DPY19L3: variants seen among roughly 807,000 people sequenced by gnomAD.
DPY19L3 encodes protein C-mannosyl-transferase DPY19L3.
In DPY19L3, 51 loss-of-function variants were observed where a neutral mutation model predicts 92.3. The ratio of observed to expected loss-of-function variants is 0.55; its 90% CI spans 0.44 to 0.70. DPY19L3 has a LOEUF of 0.70. DPY19L3 is among the 30% of genes least tolerant of loss of function. DPY19L3 has a pLI of 0.00. For synonymous variants in DPY19L3, 309 were observed against 315.2 expected, an observed-to-expected ratio of 0.98 and a Z score of 0.21; for missense variants, 706 against 855.9, an observed-to-expected ratio of 0.82 and a Z score of 2.18.
chr19:32,463,250 A>G, intron 12 of DPY19L3, 116 bp from the exon 13 acceptor site: 1 of 1,157,958 alleles, frequency 8.6e-7, no homozygotes, highest in East Asian at 2.6e-5. Flanking sequence ...CATCTTATGG[A>G]AATAATCAAT....
Position 32,463,432 on chromosome 19 carries a change from T to C in DPY19L3, c.1389T>C (p.Thr463=), listed in dbSNP as rs1349685815. 3 of 1,613,786 alleles carry C rather than the reference T, an allele frequency of 1.9e-6. No individual in the cohort carries two copies. The highest frequency in any genetic ancestry group is 1.1e-5 in the South Asian group (1 of 91,086). The change falls in exon 13 of 19, where the codon ACT becomes ACC. Residue 463 remains threonine (T), a synonymous_variant. Coordinates refer to ENST00000392250, the MANE Select transcript of DPY19L3 (RefSeq NM_001172774.2). The part of the protein sequence containing the change: ...EKGTVDLKPE[T]AYNLIHTILF... Reference sequence around the variant, plus strand: ...GCACAGTTGACCTGAAACCAGAAACTGCCTACAACTTAATACATACCATTC... The same window carrying C: ...GCACAGTTGACCTGAAACCAGAAACCGCCTACAACTTAATACATACCATTC...
intron 12 of DPY19L3, among the ~76,000 whole-genome samples, chr19:32,458,909 C>G (rs1266946341): frequency 6.6e-6 from 1 of 152,166 alleles, no homozygotes; most frequent in African/African-American, 2.4e-5. Context: ...TACAAGCCAT[C>G]GTGAACTGGT....
At chr19:32,456,115 A>G (rs1381094430) in intron 10 of DPY19L3, among the ~76,000 whole-genome samples, 1 of 94,946 alleles carries the variant, frequency 1.1e-5, no homozygotes, top group African/African-American at 4.0e-5. Context: ...AGGGTCTCTC[A>G]CCCAGACTGG....
At chr19:32,476,030 T>C (rs1970498642) in intron 16 of DPY19L3, among the ~76,000 whole-genome samples, 1 of 152,200 alleles carries the variant, frequency 6.6e-6, no homozygotes, top group Non-Finnish European at 1.5e-5. Flanking sequence ...AGAGTGTCAT[T>C]GTTAGAAAGA....
chr19:32,453,204 T>G lies in DPY19L3; in HGVS notation c.915T>G (p.Phe305Leu). 6.2e-7 allele frequency: 1 copy of G among 1,614,160 alleles called. No individual in the cohort carries two copies. The highest frequency in any genetic ancestry group is 8.5e-7 in the Non-Finnish European group (1 of 1,180,026). ...TACTCCTGGTCTGCATTCTTCAGTT[T>G]TTTAATTCCATGATTCTTGGATCAC... ...TSLLLVCILQ[F>L]FNSMILGSLL... is the part of the protein sequence containing the mutation. The change falls in exon 9 of 19, where the codon TTT becomes TTG. Residue 305 changes from phenylalanine (F) to leucine (L), a missense_variant. Coordinates refer to ENST00000392250, the MANE Select transcript of DPY19L3 (RefSeq NM_001172774.2).
intron 16 of DPY19L3, among the ~76,000 whole-genome samples, chr19:32,472,634 G>A (rs928764554): frequency 1.3e-5 from 2 of 151,944 alleles, no homozygotes; most frequent in African/African-American, 4.8e-5. Flanking sequence ...CCTCAGCAAG[G>A]CTGAATGCAA....
At chr19:32,426,925 C>T (rs1252821484) in intron 3 of DPY19L3, among the ~76,000 whole-genome samples, 1 of 152,190 alleles carries the variant, frequency 6.6e-6, no homozygotes, top group African/African-American at 2.4e-5. Flanking sequence ...AAGTGAGGCA[C>T]AGTGAGATGA....
At chr19:32,441,759 A>C (rs1330040693) in intron 8 of DPY19L3, among the ~76,000 whole-genome samples, 1 of 152,086 alleles carries the variant, frequency 6.6e-6, no homozygotes, top group Non-Finnish European at 1.5e-5. Context: ...TGGCCTCCCA[A>C]AGTGCTGGGA....
intron 12 of DPY19L3, among the ~76,000 whole-genome samples, chr19:32,459,472 A>G (rs1275761037): frequency 6.6e-6 from 1 of 152,254 alleles, no homozygotes; most frequent in Non-Finnish European, 1.5e-5. Context: ...GAATGAAACA[A>G]CATTGAACCA....
intron 8 of DPY19L3, among the ~76,000 whole-genome samples, chr19:32,444,403 A>G (rs1969421372): frequency 6.6e-6 from 1 of 152,146 alleles, no homozygotes; most frequent in Non-Finnish European, 1.5e-5. Context: ...AAATTACCTA[A>G]TCTGAACAAC....
At chr19:32,445,560 C>T (rs1249989667) in intron 8 of DPY19L3, among the ~76,000 whole-genome samples, 3 of 151,494 alleles carry the variant, frequency 2.0e-5, no homozygotes, top group Admixed American at 6.6e-5. Context: ...GCCAGCAGTC[C>T]TACCGTAAGA....
chr19:32,443,380 T>C (rs754017199), intron 8 of DPY19L3, among the ~76,000 whole-genome samples: 5 of 152,186 alleles, frequency 3.3e-5, no homozygotes, highest in Admixed American at 6.5e-5. Flanking sequence ...ACCAAATTTA[T>C]ATGTTGAAAC....
At position 32,411,473 on chromosome 19, in the gene DPY19L3, A is replaced by T. The variant is rs776237069; in HGVS notation, c.237+101A>T. ...AGGCAACACAGTTTTGCCATAAAGA[A>T]TCCAATCTCTAGAAAGGTTGGACTA... On this transcript the variant is annotated intron_variant, in intron 3 of 18. Coordinates refer to ENST00000392250, the MANE Select transcript of DPY19L3 (RefSeq NM_001172774.2). 4.7e-6 allele frequency: 6 copies of T among 1,289,332 alleles called. No homozygotes were observed. The South Asian group carries it at 7.9e-5, about 17-fold the overall frequency. The allele number at this position is 1,289,332 out of a possible 1,614,324, so 79.9% of individuals were successfully genotyped here. A position where few individuals can be genotyped will look rare whatever the true frequency, so the allele number is the denominator to read the frequency against.
intron 8 of DPY19L3, among the ~76,000 whole-genome samples, chr19:32,441,562 A>G (rs1323879367): frequency 6.9e-6 from 1 of 144,592 alleles, no homozygotes; most frequent in Non-Finnish European, 1.5e-5. Flanking sequence ...CAGTGGCGCG[A>G]TCTTGGCTCA....
chr19:32,426,249 A>T (rs1354958240), intron 3 of DPY19L3, among the ~76,000 whole-genome samples: 1 of 152,200 alleles, frequency 6.6e-6, no homozygotes, highest in Non-Finnish European at 1.5e-5. Context: ...CTTGCTCTGG[A>T]TTAGGCGTTG....
chr19:32,407,494 T>C (rs909572951), intron 1 of DPY19L3, among the ~76,000 whole-genome samples: 6 of 152,164 alleles, frequency 3.9e-5, no homozygotes, highest in Admixed American at 3.3e-4. Context: ...GCCACTTCTG[T>C]GGGAGGTACT....
chr19:32,457,960 C>T (rs560420615), intron 10 of DPY19L3, 140 bp from the exon 11 acceptor site: 4 of 645,316 alleles, frequency 6.2e-6, no homozygotes, highest in South Asian at 4.2e-5. Context: ...GTTCTGAGAA[C>T]TACTGTGAAC....
chr19:32,458,239 A>C lies in DPY19L3; in HGVS notation c.1163+66A>C, dbSNP rs1046418481. 6.3e-6 allele frequency: 10 copies of C among 1,583,366 alleles called. No individual in the cohort carries two copies. The African/African-American group carries it at 1.4e-4, about 21-fold the overall frequency. On this transcript the variant is annotated intron_variant, in intron 11 of 18. Coordinates refer to ENST00000392250, the MANE Select transcript of DPY19L3 (RefSeq NM_001172774.2). ...GAATCAGCAGGGACTTTAAAACTTA[A>C]GTTGTCATTGTGCCTTCAACTATTA...
rs1047435412 is a variant in DPY19L3 at position 32,484,429 on chromosome 19, G to C, written c.*2189G>C. On this transcript the variant is annotated 3_prime_UTR_variant, in exon 19 of 19. Transcript: ENST00000392250. ...TGGCTTACAGCCTCTCTACCAGGCC[G>C]AAGCAAGAGACCCGCGGCAGCAGCT... 1 of 152,200 alleles carries C rather than the reference G, an allele frequency of 6.6e-6. No individual in the cohort carries two copies. 9.4% of individuals were successfully genotyped at this position (152,200 alleles called of 1,614,324 possible).
Sources: gnomAD v4.1 joint callset for allele counts (sites outside exome capture counted in the v4.1 genomes callset) on GRCh38, gnomAD v4.1.1 for gene constraint, MANE v1.5 for transcripts, NCBI Gene and HGNC (gene_info 2026-07-23, HGNC 2026-07-21) for gene names.